Variants in MARCHF6 observed in about 807,000 individuals in gnomAD.
The protein encoded by MARCHF6 is E3 ubiquitin-protein ligase MARCHF6.
MARCHF6 carries 31 observed loss-of-function variants against 133.7 expected under a neutral mutation model. That is an observed-to-expected ratio of 0.23 (90% CI 0.17 to 0.31). The LOEUF is 0.31. Ranked by LOEUF, MARCHF6 falls within the 10% of genes least tolerant of loss-of-function variation. The probability of loss-of-function intolerance (pLI) is 1.00; values close to 1 mark genes in which losing one functional copy is unlikely to be tolerated. For missense variants in MARCHF6, 723 were observed against 1,121.6 expected, an observed-to-expected ratio of 0.64 and a Z score of 5.08; for synonymous variants, 395 against 402.5, an observed-to-expected ratio of 0.98 and a Z score of 0.22.
intron 8 of MARCHF6, 53 bp from the exon 9 acceptor site, chr5:10,394,700 T>C (rs947217809): frequency 7.1e-7 from 1 of 1,408,032 alleles, no homozygotes; most frequent in African/African-American, 1.4e-5. Flanking sequence ...TAAATTAGAA[T>C]AGAAAGTTCT....
chr5:10,396,816 C>G (rs1298742192), intron 9 of MARCHF6, among the ~76,000 whole-genome samples: 1 of 152,132 alleles, frequency 6.6e-6, no homozygotes, highest in Non-Finnish European at 1.5e-5. Flanking sequence ...GGAGATCAAG[C>G]TAGAGTTTTC....
chr5:10,411,689 G>A (rs112706324), intron 19 of MARCHF6, 152 bp downstream of exon 19: 4 of 557,160 alleles, frequency 7.2e-6, no homozygotes, highest in African/African-American at 1.9e-5. Context: ...TAAATGATTA[G>A]GTAAGTTTAT....
chr5:10,368,683 G>A (rs1231777722), intron 1 of MARCHF6, among the ~76,000 whole-genome samples: 6 of 152,054 alleles, frequency 3.9e-5, no homozygotes, highest in Admixed American at 1.3e-4. Context: ...AGGTTCAAGC[G>A]ATTTTCCTGC....
At chr5:10,379,154 A>G (rs1400668909) in intron 3 of MARCHF6, among the ~76,000 whole-genome samples, 1 of 152,052 alleles carries the variant, frequency 6.6e-6, no homozygotes, top group Non-Finnish European at 1.5e-5. Flanking sequence ...TGAACCCATC[A>G]CTTAGTGTCA....
intron 22 of MARCHF6, among the ~76,000 whole-genome samples, chr5:10,422,380 T>G (rs1414378054): frequency 6.6e-6 from 1 of 152,196 alleles, no homozygotes; most frequent in African/African-American, 2.4e-5. Context: ...TTCTGTAGTT[T>G]GAAGGGGCTC....
intron 22 of MARCHF6, among the ~76,000 whole-genome samples, chr5:10,421,419 A>T (rs1190736949): frequency 6.6e-6 from 1 of 152,254 alleles, no homozygotes; most frequent in South Asian, 2.1e-4. Flanking sequence ...TAGACAGATA[A>T]TGTGCAGCGT....
chr5:10,356,833 A>G (rs1735505113), intron 1 of MARCHF6, among the ~76,000 whole-genome samples: 1 of 152,184 alleles, frequency 6.6e-6, no homozygotes. Flanking sequence ...ATGGTACCAT[A>G]TATGATAGTC....
chr5:10,402,866 C>T (rs765505610), intron 14 of MARCHF6, among the ~76,000 whole-genome samples: 20 of 151,960 alleles, frequency 1.3e-4, no homozygotes, highest in Admixed American at 5.9e-4. Context: ...ATTTTGCTGT[C>T]GTAAATTTGT....
intron 5 of MARCHF6, among the ~76,000 whole-genome samples, chr5:10,388,687 C>G: frequency 6.6e-6 from 1 of 152,076 alleles, no homozygotes; most frequent in East Asian, 1.9e-4. Context: ...TTCTAAAAGG[C>G]TAGTAGGGCT....
At chr5:10,417,652 G>C (rs1739582830) in intron 22 of MARCHF6, among the ~76,000 whole-genome samples, 1 of 149,368 alleles carries the variant, frequency 6.7e-6, no homozygotes, top group East Asian at 2.0e-4. Context: ...AGGAGGTTGA[G>C]GCTGAAGTGA....
intron 24 of MARCHF6, 88 bp from the exon 25 acceptor site, chr5:10,429,805 G>T (rs1320551885): frequency 1.4e-5 from 16 of 1,108,800 alleles, no homozygotes; most frequent in Non-Finnish European, 1.7e-5. Context: ...GTCTGCCCCA[G>T]TCCATTCTTC....
chr5:10,423,020 G>A (rs1579616817), intron 22 of MARCHF6, among the ~76,000 whole-genome samples: 1 of 150,486 alleles, frequency 6.6e-6, no homozygotes, highest in Non-Finnish European at 1.5e-5. Flanking sequence ...TTTTAATACC[G>A]TTTTTTGTTG....
intron 23 of MARCHF6, among the ~76,000 whole-genome samples, chr5:10,424,270 G>A (rs924632314): frequency 6.6e-6 from 1 of 152,142 alleles, no homozygotes; most frequent in Non-Finnish European, 1.5e-5. Flanking sequence ...AAAATTGGCA[G>A]ATGCGGCTCC....
At position 10,374,083 on chromosome 5, in the gene MARCHF6, A is replaced by G. The variant is rs1736626725; in HGVS notation, c.20-3715A>G. On this transcript the variant is annotated intron_variant, in intron 1 of 25. Coordinates refer to ENST00000274140, the MANE Select transcript of MARCHF6 (RefSeq NM_005885.4). ...CTTAATAATAGGGAATCTCAATTTG[A>G]TTCTGCAGAGAGAGAGCCTGATAAA... Among the ~76,000 whole-genome samples, 3 of 151,834 alleles carry G rather than the reference A, an allele frequency of 2.0e-5. No homozygotes were observed. The South Asian group carries it at 6.2e-4, about 32-fold the overall frequency.
At chr5:10,356,702 C>T (rs1287425602) in intron 1 of MARCHF6, among the ~76,000 whole-genome samples, 6 of 152,092 alleles carry the variant, frequency 3.9e-5, no homozygotes, top group East Asian at 1.9e-4. Context: ...GGCCGGTTCT[C>T]TGTCCTTTAA....
intron 1 of MARCHF6, among the ~76,000 whole-genome samples, chr5:10,355,150 T>C (rs544300790): frequency 6.6e-6 from 1 of 152,384 alleles, no homozygotes; most frequent in East Asian, 1.9e-4. Flanking sequence ...GGCATTCTGA[T>C]TGCAAGTAAT....
chr5:10,426,587 C>G (rs1740098631), intron 24 of MARCHF6, 65 bp downstream of exon 24: 2 of 1,538,012 alleles, frequency 1.3e-6, no homozygotes, highest in Admixed American at 3.8e-5. Context: ...TTCTCTTTAC[C>G]CCTAGTAAAA....
chr5:10,378,267 G>C (rs1736908936), intron 2 of MARCHF6, among the ~76,000 whole-genome samples: 1 of 152,164 alleles, frequency 6.6e-6, no homozygotes, highest in African/African-American at 2.4e-5. Context: ...ACTGTTCTTA[G>C]TGGTTTGTAC....
At chr5:10,396,909 G>A (rs2640711) in intron 9 of MARCHF6, among the ~76,000 whole-genome samples, 33,555 of 152,058 alleles carry the variant, frequency 0.22, 5,428 homozygotes, top group East Asian at 0.67. Flanking sequence ...TGCAGTTGAC[G>A]TTAACATGAT....
Sources: gnomAD v4.1 joint callset for allele counts (sites outside exome capture counted in the v4.1 genomes callset) on GRCh38, gnomAD v4.1.1 for gene constraint, MANE v1.5 for transcripts, NCBI Gene and HGNC (gene_info 2026-07-23, HGNC 2026-07-21) for gene names.